The following OR4D1 variants were observed in gnomAD, a reference collection of about 807,000 sequenced individuals.
OR4D1 encodes the protein olfactory receptor family 4 subfamily D member 1, also known as olfactory receptor 4D1.
A neutral mutation model predicts 14.2 loss-of-function variants in OR4D1; 10 were observed. The ratio of observed to expected loss-of-function variants is 0.71; its 90% CI spans 0.44 to 1.20. OR4D1 has a LOEUF of 1.20. Ranked by LOEUF, OR4D1 falls within the 50% of genes most tolerant of loss-of-function variation. The pLI is 0.00. For synonymous variants in OR4D1, 141 were observed against 147.4 expected (o/e 0.96, Z 0.32); for missense variants, 345 against 376.6 (o/e 0.92, Z 0.70).
chr17:58,149,165 C>T (rs1967667614), intron 1 of OR4D1, among the ~76,000 whole-genome samples: 2 of 152,160 alleles, frequency 1.3e-5, no homozygotes, highest in East Asian at 1.9e-4. Flanking sequence ...GTCTAGAATC[C>T]TCCCCTTTCC....
At position 58,157,955 on chromosome 17, in the gene OR4D1, G is replaced by A. The variant is rs1330677262; in HGVS notation, c.*1869G>A. ...TAGGCCGGCAGGGCCACACGACACA[G>A]CTGAAGTTTGTTCTTTAGGCGGAGG... On this transcript the variant is annotated 3_prime_UTR_variant, in exon 4 of 4. Transcript: ENST00000268912. 9 of 669,898 alleles carry A rather than the reference G, an allele frequency of 1.3e-5. No homozygotes were observed. The highest frequency in any genetic ancestry group is 2.5e-5 in the Admixed American group (1 of 40,166). 41.5% of individuals were successfully genotyped at this position (669,898 alleles called of 1,614,324 possible).
At position 58,156,140 on chromosome 17, in the gene OR4D1, A is replaced by ATTTTT; in HGVS notation, c.*54_*55insTTTTT. On this transcript the variant is annotated 3_prime_UTR_variant, in exon 4 of 4. Transcript: ENST00000268912. ...AATTTCTCTGGATTTTTATTTTCCC[A>ATTTTT]CATGAAAAATGGAGGAAAGTCTTTA... The ATTTTT allele has an allele frequency of 8.3e-7, 1 of 1,201,256 alleles. No individual in the cohort carries two copies. The highest frequency in any genetic ancestry group is 1.1e-6 in the Non-Finnish European group (1 of 871,790). The allele number at this position is 1,201,256 out of a possible 1,614,324, so 74.4% of individuals were successfully genotyped here.
At position 58,157,247 on chromosome 17, in the gene OR4D1, G is replaced by A. The variant is rs1034168924; in HGVS notation, c.*1161G>A. 8 of 1,466,080 alleles carry A rather than the reference G, an allele frequency of 5.5e-6. 1 individual carries two copies. The African/African-American group carries it at 1.1e-4, about 21-fold the overall frequency. 90.8% of individuals were successfully genotyped at this position (1,466,080 alleles called of 1,614,324 possible). A position where few individuals can be genotyped will look rare whatever the true frequency, so the allele number is the denominator to read the frequency against. Reference sequence around the variant, plus strand: ...CCCTGCGGCTACTGCTGCTGCCGGGGCACGGCGCTCGGGAAGCGCACAGCC... The same window carrying A: ...CCCTGCGGCTACTGCTGCTGCCGGGACACGGCGCTCGGGAAGCGCACAGCC... On this transcript the variant is annotated 3_prime_UTR_variant, in exon 4 of 4. Transcript: ENST00000268912.
intron 2 of OR4D1, among the ~76,000 whole-genome samples, 198 bp from the exon 3 acceptor site, chr17:58,153,659 C>G (rs540879362): frequency 6.6e-6 from 1 of 152,218 alleles, no homozygotes; most frequent in East Asian, 1.9e-4. Context: ...TTTTTATGTT[C>G]TATTGTCTGT....
Position 58,157,518 on chromosome 17 carries a change from C to T in OR4D1, c.*1432C>T. On this transcript the variant is annotated 3_prime_UTR_variant, in exon 4 of 4. Coordinates refer to ENST00000268912, the MANE Select transcript of OR4D1 (RefSeq NM_001386095.1). ...CAGTACCTCTCCATTGCAGAGGGTG[C>T]GGACTTCTCCAGCTCTCCGAACCTC... The T allele has an allele frequency of 1.5e-6, 2 of 1,292,096 alleles. No individual in the cohort carries two copies. The highest frequency in any genetic ancestry group is 2.3e-6 in the Non-Finnish European group (2 of 888,430). The allele number at this position is 1,292,096 out of a possible 1,614,324, so 80.0% of individuals were successfully genotyped here. A position where few individuals can be genotyped will look rare whatever the true frequency, so the allele number is the denominator to read the frequency against.
At chr17:58,153,026 A>C (rs1440199134) in intron 2 of OR4D1, among the ~76,000 whole-genome samples, 4 of 152,244 alleles carry the variant, frequency 2.6e-5, no homozygotes, top group Admixed American at 6.5e-5. Context: ...TTCAGGAATC[A>C]GTAATCAGGT....
At chr17:58,148,776 C>T (rs1433026412) in intron 1 of OR4D1, among the ~76,000 whole-genome samples, 192 bp downstream of exon 1, 1 of 152,024 alleles carries the variant, frequency 6.6e-6, no homozygotes, top group Non-Finnish European at 1.5e-5. Flanking sequence ...GTTATCTCCC[C>T]CGCCTCCCAC....
chr17:58,155,477 A>T lies in OR4D1; in HGVS notation c.324A>T (p.Gly108=). Reference sequence around the variant, plus strand: ...AGATCTTCTTCTTCCACCTTTTGGGAGGTGGGACTGTCTTTTTTCTCTCAG... The same window carrying T: ...AGATCTTCTTCTTCCACCTTTTGGGTGGTGGGACTGTCTTTTTTCTCTCAG... ...MAQIFFFHLL[G]GGTVFFLSVM... Residue 108 remains glycine, a synonymous_variant, in exon 4 of 4, where the codon GGA becomes GGT. Coordinates refer to ENST00000268912, the MANE Select transcript of OR4D1 (RefSeq NM_001386095.1). 6.2e-7 allele frequency: 1 copy of T among 1,614,022 alleles called. No homozygotes were observed. The highest frequency in any genetic ancestry group is 8.5e-7 in the Non-Finnish European group (1 of 1,180,000).
In OR4D1 at chr17:58,157,075, C is replaced by A; in HGVS notation, c.*989C>A. Reference sequence around the variant, plus strand: ...CCAGCGGTGGCGGTCGGGCCAGGTCCGGGGCCTGGGGACGCCGAGGCGGCC... The same window carrying A: ...CCAGCGGTGGCGGTCGGGCCAGGTCAGGGGCCTGGGGACGCCGAGGCGGCC... On this transcript the variant is annotated 3_prime_UTR_variant, in exon 4 of 4. Coordinates refer to ENST00000268912, the MANE Select transcript of OR4D1 (RefSeq NM_001386095.1). 6.9e-7 allele frequency: 1 copy of A among 1,445,016 alleles called. No individual in the cohort carries two copies. The highest frequency in any genetic ancestry group is 9.3e-7 in the Non-Finnish European group (1 of 1,080,360). 89.5% of individuals were successfully genotyped at this position (1,445,016 alleles called of 1,614,324 possible). A position where few individuals can be genotyped will look rare whatever the true frequency, so the allele number is the denominator to read the frequency against.
Position 58,148,543 on chromosome 17 carries a change from C to G in OR4D1, c.-536C>G, listed in dbSNP as rs545875571. On this transcript the variant is annotated 5_prime_UTR_variant, in exon 1 of 4. It introduces an in-frame stop codon into an upstream open reading frame of the 5' UTR. Coordinates refer to ENST00000268912, the MANE Select transcript of OR4D1 (RefSeq NM_001386095.1). ...GTGGGCTGGAGGAAGGTGATGGCCT[C>G]ATTGTCCTTCCCATGGACAAATCAG... The G allele has an allele frequency of 7.9e-5, 12 of 152,246 alleles. No homozygotes were observed. The highest frequency in any genetic ancestry group is 1.3e-4 in the Non-Finnish European group (9 of 68,074). The allele number at this position is 152,246 out of a possible 1,614,324, so 9.4% of individuals were successfully genotyped here.
chr17:58,148,778 G>C (rs576954977), intron 1 of OR4D1, among the ~76,000 whole-genome samples, 194 bp downstream of exon 1: 2 of 152,044 alleles, frequency 1.3e-5, no homozygotes, highest in African/African-American at 4.8e-5. Flanking sequence ...TATCTCCCCC[G>C]CCTCCCACAT....
chr17:58,155,390 A>T lies in OR4D1; in HGVS notation c.237A>T (p.Pro79=). 1 of 1,614,116 alleles carries T rather than the reference A, an allele frequency of 6.2e-7. No homozygotes were observed. Among genetic ancestry groups the T allele is most frequent in the Non-Finnish European group, 8.5e-7 (1 of 1,180,006 alleles). Residue 79 remains proline (P), a synonymous_variant, in exon 4 of 4, where the codon CCA becomes CCT. Transcript: ENST00000268912. ...IDLCYSTVTS[P]KMLVDFLHET... ...TCTGCTATTCCACAGTCACCTCTCCAAAGATGCTGGTGGACTTCCTCCATG... is the reference window on the plus strand; with the variant it reads ...TCTGCTATTCCACAGTCACCTCTCCTAAGATGCTGGTGGACTTCCTCCATG...
At chr17:58,154,965 G>C (rs1967745242) in intron 3 of OR4D1, among the ~76,000 whole-genome samples, 170 bp from the exon 4 acceptor site, 1 of 152,204 alleles carries the variant, frequency 6.6e-6, no homozygotes, top group Non-Finnish European at 1.5e-5. Context: ...TAAGTCTCTG[G>C]AACCCTTGAA....
Position 58,155,673 on chromosome 17 carries a change from C to A in OR4D1, c.520C>A (p.Leu174Ile), listed in dbSNP as rs7218964. The A allele has an allele frequency of 0.21, 331,464 of 1,613,618 alleles. 36,883 individuals are homozygous for A. The highest frequency in any genetic ancestry group is 0.41 in the African/African-American group (30,988 of 74,866). ...LPLPFCGPNI[L>I]DNFYCDVPQV... ...ACTGCCCTTCTGTGGCCCCAATATCCTAGATAACTTCTACTGTGATGTTCC... is the reference window on the plus strand; with the variant it reads ...ACTGCCCTTCTGTGGCCCCAATATCATAGATAACTTCTACTGTGATGTTCC... Residue 174 changes from leucine (L) to isoleucine (I), a missense_variant, in exon 4 of 4, where the codon CTA (leucine) becomes ATA (isoleucine). Physicochemically the swap from Leu to Ile is conservative, Grantham distance 5. Coordinates refer to ENST00000268912, the MANE Select transcript of OR4D1 (RefSeq NM_001386095.1).
chr17:58,154,172 C>T (rs1967736828), intron 3 of OR4D1, among the ~76,000 whole-genome samples: 1 of 151,738 alleles, frequency 6.6e-6, no homozygotes, highest in Non-Finnish European at 1.5e-5. Context: ...GTTGCCCAGG[C>T]TGGTCTCAAA....
intron 1 of OR4D1, among the ~76,000 whole-genome samples, chr17:58,149,076 C>T (rs1383655612): frequency 2.0e-5 from 3 of 152,182 alleles, no homozygotes; most frequent in East Asian, 3.9e-4. Flanking sequence ...CTTCTCCCCT[C>T]GTCTCTCCTA....
At chr17:58,152,293 T>TGCAC (rs1967713120) in intron 2 of OR4D1, among the ~76,000 whole-genome samples, 1 of 152,240 alleles carries the variant, frequency 6.6e-6, no homozygotes, top group African/African-American at 2.4e-5. Flanking sequence ...CATGAGCCAC[T>TGCAC]GCACGCAGCC....
At chr17:58,152,207 G>A (rs573793015) in intron 2 of OR4D1, among the ~76,000 whole-genome samples, 7 of 152,178 alleles carry the variant, frequency 4.6e-5, no homozygotes, top group African/African-American at 1.2e-4. Flanking sequence ...GTTTCACCAC[G>A]TTGGCCAGGC....
Position 58,157,058 on chromosome 17 carries a change from G to A in OR4D1, c.*972G>A. 6.2e-6 allele frequency: 8 copies of A among 1,294,754 alleles called. No individual in the cohort carries two copies. The highest frequency in any genetic ancestry group is 6.4e-6 in the Non-Finnish European group (6 of 941,174). 80.2% of individuals were successfully genotyped at this position (1,294,754 alleles called of 1,614,324 possible). A position where few individuals can be genotyped will look rare whatever the true frequency, so the allele number is the denominator to read the frequency against. ...CGTCCAATGAGAAGGGGCCAGCGGTGGCGGTCGGGCCAGGTCCGGGGCCTG... is the reference window on the plus strand; with the variant it reads ...CGTCCAATGAGAAGGGGCCAGCGGTAGCGGTCGGGCCAGGTCCGGGGCCTG... On this transcript the variant is annotated 3_prime_UTR_variant, in exon 4 of 4. Coordinates refer to ENST00000268912, the MANE Select transcript of OR4D1 (RefSeq NM_001386095.1).
Sources: allele counts gnomAD v4.1 joint callset (sites outside exome capture counted in the v4.1 genomes callset), GRCh38; gene constraint gnomAD v4.1.1; transcripts MANE v1.5; gene names NCBI Gene and HGNC (gene_info 2026-07-23, HGNC 2026-07-21).